ATOSA: variants seen among roughly 807,000 people sequenced by gnomAD.
ATOSA encodes atos homolog A.
At chr15:52,662,140 G>A in the ATOSA span, among the ~76,000 whole-genome samples, 1 of 152,076 alleles carries the variant, frequency 6.6e-6, no homozygotes, top group Non-Finnish European at 1.5e-5. Context: ...ACAATATACT[G>A]AACAAACCTC....
the ATOSA span, among the ~76,000 whole-genome samples, chr15:52,646,277 G>C: frequency 6.6e-6 from 1 of 152,210 alleles, no homozygotes; most frequent in Non-Finnish European, 1.5e-5. Flanking sequence ...GGCACACACA[G>C]ATCAGTTCTG....
the ATOSA span, chr15:52,587,624 T>C: frequency 0.097 from 14,870 of 152,916 alleles, 1,039 homozygotes; most frequent in Admixed American, 0.19. Flanking sequence ...AAAGTAAGCC[T>C]TGGCCAAAAA....
At chr15:52,591,783 T>C in the ATOSA span, among the ~76,000 whole-genome samples, 1 of 152,204 alleles carries the variant, frequency 6.6e-6, no homozygotes, top group Non-Finnish European at 1.5e-5. Flanking sequence ...AAAATAATTC[T>C]GGAAAAGTGG....
At chr15:52,601,032 C>T in the ATOSA span, 2 of 1,113,762 alleles carry the variant, frequency 1.8e-6, no homozygotes, top group Non-Finnish European at 2.6e-6. Flanking sequence ...TGTTAAAGAC[C>T]AGAATTTTGT....
At chr15:52,708,245 A>C in the ATOSA span, among the ~76,000 whole-genome samples, 4 of 152,164 alleles carry the variant, frequency 2.6e-5, no homozygotes, top group African/African-American at 9.7e-5. Flanking sequence ...CTCCTCTCTC[A>C]CAGCAGAAAA....
the ATOSA span, among the ~76,000 whole-genome samples, chr15:52,706,115 C>T: frequency 6.6e-6 from 1 of 152,302 alleles, no homozygotes; most frequent in South Asian, 2.1e-4. Flanking sequence ...CAGGGAATTA[C>T]ACTTCTGTGA....
chr15:52,617,472 C>A, the ATOSA span, among the ~76,000 whole-genome samples: 1 of 152,044 alleles, frequency 6.6e-6, no homozygotes, highest in Admixed American at 6.5e-5. Flanking sequence ...AGCCTGAGCA[C>A]ACTAAAACAT....
the ATOSA span, among the ~76,000 whole-genome samples, chr15:52,679,920 G>A: frequency 1.7e-3 from 250 of 150,768 alleles, no homozygotes; most frequent in African/African-American, 6.0e-3. Flanking sequence ...ATGTGACCGG[G>A]ACGGGGGGTG....
the ATOSA span, among the ~76,000 whole-genome samples, chr15:52,639,893 G>C: frequency 6.6e-6 from 1 of 151,782 alleles, no homozygotes; most frequent in Non-Finnish European, 1.5e-5. Flanking sequence ...TAGGATTACA[G>C]GCACCCGCCA....
chr15:52,707,404 C>A, the ATOSA span, among the ~76,000 whole-genome samples: 57 of 152,282 alleles, frequency 3.7e-4, no homozygotes, highest in African/African-American at 1.3e-3. Context: ...GGCACAAAAT[C>A]ACCTATGAAA....
At chr15:52,671,695 AC>A in the ATOSA span, among the ~76,000 whole-genome samples, 1 of 152,112 alleles carries the variant, frequency 6.6e-6, no homozygotes, top group African/African-American at 2.4e-5. Context: ...TTCACTGAGC[AC>A]TTTGGATAGG....
At chr15:52,665,107 G>A in the ATOSA span, among the ~76,000 whole-genome samples, 7 of 152,186 alleles carry the variant, frequency 4.6e-5, no homozygotes, top group Non-Finnish European at 1.0e-4. Flanking sequence ...TGGGGACTAC[G>A]AGGGGAATGG....
chr15:52,675,773 A>T, the ATOSA span, among the ~76,000 whole-genome samples: 27 of 152,052 alleles, frequency 1.8e-4, no homozygotes, highest in Non-Finnish European at 2.8e-4. Flanking sequence ...CCGGGCGTGG[A>T]GGCGGGCGCC....
At chr15:52,592,158 T>A in the ATOSA span, among the ~76,000 whole-genome samples, 1 of 152,206 alleles carries the variant, frequency 6.6e-6, no homozygotes, top group East Asian at 1.9e-4. Flanking sequence ...CTTTTATTAA[T>A]GACAAAAGTC....
chr15:52,609,933 T>C, the ATOSA span: 1 of 1,611,268 alleles, frequency 6.2e-7, no homozygotes, highest in Non-Finnish European at 8.5e-7. Context: ...TTTCTTGTGA[T>C]TTTATATCAC....
At chr15:52,619,529 C>G in the ATOSA span, among the ~76,000 whole-genome samples, 8 of 152,150 alleles carry the variant, frequency 5.3e-5, no homozygotes, top group Admixed American at 6.5e-5. Context: ...GCTAGGCCTT[C>G]TTACCAGTTA....
chr15:52,656,780 A>G, the ATOSA span: 1 of 152,146 alleles, frequency 6.6e-6, no homozygotes, highest in East Asian at 1.9e-4. Flanking sequence ...GGTATTAAGA[A>G]TTCACTTTTA....
the ATOSA span, among the ~76,000 whole-genome samples, chr15:52,707,697 T>C: frequency 6.6e-6 from 1 of 152,168 alleles, no homozygotes; most frequent in East Asian, 1.9e-4. Context: ...AAGAATATCC[T>C]TGGTCTTAGA....
chr15:52,696,302 A>G, the ATOSA span, among the ~76,000 whole-genome samples: 1 of 152,018 alleles, frequency 6.6e-6, no homozygotes, highest in Non-Finnish European at 1.5e-5. Flanking sequence ...ACACCCTGCA[A>G]TATACACACC....
Sources: allele counts gnomAD v4.1 joint callset (sites outside exome capture counted in the v4.1 genomes callset), GRCh38; gene constraint gnomAD v4.1.1; transcripts MANE v1.5; gene names NCBI Gene and HGNC (gene_info 2026-07-23, HGNC 2026-07-21).